The following PTPN13 variants were observed in gnomAD, a reference collection of about 807,000 sequenced individuals.
The protein encoded by PTPN13 is tyrosine-protein phosphatase non-receptor type 13.
Under a neutral mutation model 284.0 loss-of-function variants are expected in PTPN13, and 191 were observed. The ratio of observed to expected loss-of-function variants is 0.67; its 90% CI spans 0.60 to 0.76. The LOEUF (loss-of-function observed/expected upper bound fraction) is 0.76. Ranked by LOEUF, PTPN13 falls within the 30% of genes least tolerant of loss-of-function variation. PTPN13 has a pLI of 0.00. For synonymous variants in PTPN13, 986 were observed against 1,022.3 expected, an observed-to-expected ratio of 0.96 and a Z score of 0.68; for missense variants, 2,797 against 2,939.9, an observed-to-expected ratio of 0.95 and a Z score of 1.12.
chr4:86,765,413 G>C lies in PTPN13; in HGVS notation c.4168G>C (p.Val1390Leu). The change falls in exon 26 of 48, where the codon GTC (valine) becomes CTC (leucine). Residue 1390 changes from valine (V) to leucine (L), a missense_variant. Val to Leu is a conservative substitution (Grantham distance 32). Transcript: ENST00000411767. ...TCTTTAGGGAGGTGTGAATACGAGT[G>C]TCAGACATGGTGGCATTTATGTGAA... ...ISVTGGVNTSVRHGGIYVKAV... is the reference protein window; with the variant it reads ...ISVTGGVNTSLRHGGIYVKAV... 3 of 1,600,932 alleles carry C rather than the reference G, an allele frequency of 1.9e-6. No individual in the cohort carries two copies. The highest frequency in any genetic ancestry group is 2.6e-6 in the Non-Finnish European group (3 of 1,173,094).
chr4:86,770,085 T>G lies in PTPN13; in HGVS notation c.4705-16T>G. The G allele has an allele frequency of 7.4e-6, 12 of 1,612,790 alleles. No individual in the cohort carries two copies. Among genetic ancestry groups the G allele is most frequent in the Non-Finnish European group, 9.3e-6 (11 of 1,178,890 alleles). On this transcript the variant is annotated splice_polypyrimidine_tract_variant and intron_variant, in intron 29 of 47. Coordinates refer to ENST00000411767, the MANE Select transcript of PTPN13 (RefSeq NM_080683.3). ...GGTTTAACTGTACCTTCATTTGTCA[T>G]TCATGGTACCCCCAGGAAGTCATAT...
Position 86,798,409 on chromosome 4 carries a change from C to G in PTPN13, c.6402-692C>G, listed in dbSNP as rs137935600. Among the ~76,000 whole-genome samples the G allele has an allele frequency of 1.4e-3, 210 of 152,346 alleles. 2 individuals carry two copies. The highest frequency in any genetic ancestry group is 4.8e-3 in the African/African-American group (199 of 41,578). On this transcript the variant is annotated intron_variant, in intron 41 of 47. Transcript: ENST00000411767. ...ACATTTTGGGAGCATTAGTCCATGT[C>G]CTGGTGTATACTAATGTCATCAGAT...
chr4:86,668,532 T>C (rs952765352), intron 2 of PTPN13, among the ~76,000 whole-genome samples: 1 of 152,192 alleles, frequency 6.6e-6, no homozygotes, highest in Admixed American at 6.5e-5. Flanking sequence ...TCTTTAACTT[T>C]ATTACAAGCC....
At chr4:86,814,340 A>G (rs555820889) in intron 47 of PTPN13, 116 bp from the exon 48 acceptor site, 3 of 698,706 alleles carry the variant, frequency 4.3e-6, no homozygotes, top group Non-Finnish European at 6.8e-6. Flanking sequence ...TTCTAACAAA[A>G]TTTTTCCATA....
chr4:86,633,380 C>T (rs567869814), intron 1 of PTPN13, among the ~76,000 whole-genome samples: 2 of 152,176 alleles, frequency 1.3e-5, no homozygotes, highest in South Asian at 4.1e-4. Flanking sequence ...CCTTTAGATT[C>T]CTAAAGTGTG....
intron 44 of PTPN13, among the ~76,000 whole-genome samples, chr4:86,805,845 T>A (rs1405001471): frequency 6.6e-6 from 1 of 152,096 alleles, no homozygotes; most frequent in Non-Finnish European, 1.5e-5. Context: ...ACATTTCAGA[T>A]ACCAGAAGGG....
At chr4:86,764,875 T>A in intron 25 of PTPN13, 151 bp downstream of exon 25, 1 of 912,094 alleles carries the variant, frequency 1.1e-6, no homozygotes, top group Non-Finnish European at 1.5e-6. Flanking sequence ...AAAAACTATT[T>A]TAAAAATTGT....
At chr4:86,773,030 T>G in intron 32 of PTPN13, 72 bp downstream of exon 32, 6 of 1,176,056 alleles carry the variant, frequency 5.1e-6, no homozygotes, top group Non-Finnish European at 6.9e-6. Context: ...AAAGTTTCCC[T>G]TTAGGGAAAA....
chr4:86,700,909 C>A (rs1200754470), intron 6 of PTPN13, among the ~76,000 whole-genome samples: 1 of 152,124 alleles, frequency 6.6e-6, no homozygotes, highest in Non-Finnish European at 1.5e-5. Flanking sequence ...CAAATCATTT[C>A]TTGGATAGTG....
chr4:86,810,224 T>G (rs1745076228), intron 46 of PTPN13, among the ~76,000 whole-genome samples: 1 of 152,194 alleles, frequency 6.6e-6, no homozygotes, highest in African/African-American at 2.4e-5. Context: ...TGGGTGTTTT[T>G]TAACTGTGTG....
chr4:86,809,477 C>T (rs929042216), intron 45 of PTPN13, among the ~76,000 whole-genome samples: 4 of 152,144 alleles, frequency 2.6e-5, no homozygotes, highest in African/African-American at 9.7e-5. Context: ...GTGAGTGGAT[C>T]AGTTGAGGTC....
chr4:86,720,282 C>A (rs934962455), intron 9 of PTPN13, among the ~76,000 whole-genome samples: 11 of 152,088 alleles, frequency 7.2e-5, no homozygotes, highest in Admixed American at 7.2e-4. Context: ...TAAGGAACCT[C>A]AAAAATGTCA....
Position 86,775,199 on chromosome 4 carries a change from C to T in PTPN13, c.5537C>T (p.Thr1846Ile), listed in dbSNP as rs1387968138. ...AATGATACAGATGTTACTAATATGA[C>T]TCATACAGATGCAGTTAATCTGCTC... is the stretch of plus-strand genomic sequence containing the variant. Reference protein sequence around the residue: ...KVNDTDVTNMTHTDAVNLLRA... With the variant: ...KVNDTDVTNMIHTDAVNLLRA... Residue 1846 changes from threonine (T) to isoleucine (I), a missense_variant, in exon 34 of 48, where the codon ACT becomes ATT. Coordinates refer to ENST00000411767, the MANE Select transcript of PTPN13 (RefSeq NM_080683.3). 1 of 1,610,970 alleles carries T rather than the reference C, an allele frequency of 6.2e-7. No individual in the cohort carries two copies. Among genetic ancestry groups the T allele is most frequent in the Admixed American group, 1.7e-5 (1 of 59,416 alleles).
chr4:86,744,293 T>G (rs942169869), intron 16 of PTPN13, among the ~76,000 whole-genome samples: 1 of 152,116 alleles, frequency 6.6e-6, no homozygotes, highest in Non-Finnish European at 1.5e-5. Context: ...AATAAAAAAA[T>G]TATTGTTAAA....
intron 20 of PTPN13, among the ~76,000 whole-genome samples, chr4:86,757,938 G>A (rs907164009): frequency 1.3e-5 from 2 of 152,086 alleles, no homozygotes. Context: ...AACCTAAATT[G>A]AAAAGTTCGG....
chr4:86,775,971 G>A (rs527483800), intron 35 of PTPN13, among the ~76,000 whole-genome samples: 1 of 152,260 alleles, frequency 6.6e-6, no homozygotes, highest in African/African-American at 2.4e-5. Flanking sequence ...TTTTTAGACA[G>A]TTTCACTCTT....
At chr4:86,613,083 A>G (rs1453012803) in intron 1 of PTPN13, among the ~76,000 whole-genome samples, 2 of 152,356 alleles carry the variant, frequency 1.3e-5, no homozygotes, top group East Asian at 3.9e-4. Context: ...TTTTCTAATT[A>G]TTGAACTTGA....
At chr4:86,609,064 A>G (rs1248029582) in intron 1 of PTPN13, among the ~76,000 whole-genome samples, 3 of 152,180 alleles carry the variant, frequency 2.0e-5, no homozygotes, top group East Asian at 1.9e-4. Context: ...TTCATTCACA[A>G]TTGGTTGCCA....
In PTPN13 at chr4:86,762,982, G is replaced by T. The variant is rs1440575812; in HGVS notation, c.3809G>T (p.Gly1270Val). ...QVNGFFASHL[G>V]DQTWQESQHG... is the part of the protein sequence containing the mutation. ...AATGGTTTCTTTGCCAGCCATTTAG[G>T]TGACCAAACCTGGCAGGAATCACAG... The change falls in exon 24 of 48, where the codon GGT becomes GTT. Residue 1270 changes from glycine (G) to valine (V), a missense_variant. Gly to Val is a moderately radical substitution (Grantham distance 109). Transcript: ENST00000411767. 5.0e-6 allele frequency: 8 copies of T among 1,613,572 alleles called. No individual in the cohort carries two copies. Among genetic ancestry groups the T allele is most frequent in the Non-Finnish European group, 5.9e-6 (7 of 1,179,830 alleles).
Sources: allele counts gnomAD v4.1 joint callset (sites outside exome capture counted in the v4.1 genomes callset), GRCh38; gene constraint gnomAD v4.1.1; transcripts MANE v1.5; gene names NCBI Gene and HGNC (gene_info 2026-07-23, HGNC 2026-07-21).